SUGCT: variants seen among roughly 807,000 people sequenced by gnomAD.
The protein encoded by SUGCT is succinyl-CoA:glutarate-CoA transferase, also known as succinyl-CoA:glutarate CoA-transferase.
A neutral mutation model predicts 55.0 loss-of-function variants in SUGCT; 41 were observed. The observed-to-expected ratio is 0.74, with a 90% CI of 0.58 to 0.97. SUGCT has a LOEUF of 0.97. Among genes scored for constraint, SUGCT ranks in the 50% least tolerant of loss-of-function variants. The pLI is 0.00. For missense variants in SUGCT, 568 were observed against 547.8 expected, an observed-to-expected ratio of 1.04 and a Z score of -0.37; for synonymous variants, 187 against 200.4, an observed-to-expected ratio of 0.93 and a Z score of 0.56.
the SUGCT span, among the ~76,000 whole-genome samples, chr7:41,029,766 G>A: frequency 6.6e-6 from 1 of 152,068 alleles, no homozygotes; most frequent in South Asian, 2.1e-4. Flanking sequence ...TTATTAACCA[G>A]AGCCCATAGT....
At chr7:40,224,344 A>G (rs1246967749) in intron 6 of SUGCT, among the ~76,000 whole-genome samples, 2 of 151,578 alleles carry the variant, frequency 1.3e-5, no homozygotes, top group East Asian at 3.9e-4. Context: ...GGTTTATAAT[A>G]GTTTTTTTTC....
At chr7:40,330,261 T>C (rs1796238158) in intron 9 of SUGCT, among the ~76,000 whole-genome samples, 1 of 152,174 alleles carries the variant, frequency 6.6e-6, no homozygotes, top group African/African-American at 2.4e-5. Flanking sequence ...GAAGATTGAG[T>C]CTGCTTAGGA....
chr7:40,862,756 AC>A (rs1584555606), downstream of SUGCT, among the ~76,000 whole-genome samples: 2 of 149,844 alleles, frequency 1.3e-5, no homozygotes, highest in East Asian at 3.9e-4. Flanking sequence ...TTATTCTGAA[AC>A]TTTTTACTGC....
intron 9 of SUGCT, among the ~76,000 whole-genome samples, chr7:40,332,460 T>TG (rs1470638551): frequency 2.0e-5 from 3 of 151,674 alleles, no homozygotes; most frequent in Non-Finnish European, 2.9e-5. Flanking sequence ...TTTTTGTTTT[T>TG]TTTTTTTTAC....
At chr7:40,376,276 C>T in intron 9 of SUGCT, among the ~76,000 whole-genome samples, 1 of 152,122 alleles carries the variant, frequency 6.6e-6, no homozygotes, top group South Asian at 2.1e-4. Flanking sequence ...ATGTATATAG[C>T]ATTAATGTAT....
chr7:40,337,486 C>G (rs1421799860), intron 9 of SUGCT, among the ~76,000 whole-genome samples: 1 of 152,076 alleles, frequency 6.6e-6, no homozygotes, highest in Non-Finnish European at 1.5e-5. Context: ...TGAATTGATC[C>G]CTTTACAATT....
intron 12 of SUGCT, among the ~76,000 whole-genome samples, chr7:40,714,128 G>A (rs1440497030): frequency 6.6e-6 from 1 of 152,136 alleles, no homozygotes; most frequent in Non-Finnish European, 1.5e-5. Context: ...TTAGGAGCCT[G>A]AGACCAGCCT....
chr7:40,516,275 C>A (rs1289431569), intron 12 of SUGCT, among the ~76,000 whole-genome samples: 1 of 152,084 alleles, frequency 6.6e-6, no homozygotes, highest in African/African-American at 2.4e-5. Context: ...ATATTATCTT[C>A]CATTCTGTAA....
At chr7:40,748,987 A>G (rs975824563) in intron 12 of SUGCT, among the ~76,000 whole-genome samples, 11 of 152,036 alleles carry the variant, frequency 7.2e-5, no homozygotes, top group African/African-American at 2.7e-4. Context: ...GACTCCCCAT[A>G]CCTTCTGCTG....
chr7:40,264,744 A>G lies in SUGCT; in HGVS notation c.577-9769A>G, dbSNP rs1468133164. ...TTTATTTCATTTTTTACTCTCCCCAACTGATCAATAATCAAAGTCTCTGAA... is the reference window on the plus strand; with the variant it reads ...TTTATTTCATTTTTTACTCTCCCCAGCTGATCAATAATCAAAGTCTCTGAA... On this transcript the variant is annotated intron_variant, in intron 7 of 13. Transcript: ENST00000335693. 2.0e-5 allele frequency among the ~76,000 whole-genome samples: 3 copies of G among 152,250 alleles called. No individual in the cohort carries two copies. In the East Asian group the frequency reaches 5.8e-4, roughly 29 times the overall value.
the SUGCT span, among the ~76,000 whole-genome samples, chr7:40,939,388 A>G: frequency 3.3e-5 from 5 of 152,234 alleles, no homozygotes; most frequent in African/African-American, 1.2e-4. Context: ...GTGGGGACAC[A>G]GCCAAACCAT....
At chr7:40,246,216 G>A (rs1789862807) in intron 7 of SUGCT, among the ~76,000 whole-genome samples, 1 of 151,540 alleles carries the variant, frequency 6.6e-6, no homozygotes, top group Non-Finnish European at 1.5e-5. Context: ...CTATATGCTA[G>A]CTTAACTTCT....
chr7:40,262,540 T>A (rs1791295094), intron 7 of SUGCT, among the ~76,000 whole-genome samples: 1 of 149,422 alleles, frequency 6.7e-6, no homozygotes. Flanking sequence ...TAGTGGGCCC[T>A]TGTAGTCCCA....
intron 6 of SUGCT, among the ~76,000 whole-genome samples, chr7:40,229,760 G>A (rs1353665822): frequency 6.7e-6 from 1 of 148,912 alleles, no homozygotes; most frequent in Non-Finnish European, 1.5e-5. Flanking sequence ...GCTGCAGTGA[G>A]CCGAGATCGT....
At chr7:40,636,188 A>G (rs1336898245) in intron 12 of SUGCT, among the ~76,000 whole-genome samples, 2 of 152,330 alleles carry the variant, frequency 1.3e-5, no homozygotes, top group African/African-American at 2.4e-5. Flanking sequence ...TCTGTTTCAC[A>G]TGACATTGGC....
At chr7:40,507,984 G>T (rs1372557557) in intron 12 of SUGCT, among the ~76,000 whole-genome samples, 1 of 152,054 alleles carries the variant, frequency 6.6e-6, no homozygotes, top group Non-Finnish European at 1.5e-5. Context: ...AACCTGTATT[G>T]TTTTCAACAA....
At chr7:40,851,293 A>G (rs752088692) in intron 13 of SUGCT, among the ~76,000 whole-genome samples, 4 of 151,528 alleles carry the variant, frequency 2.6e-5, no homozygotes, top group Non-Finnish European at 1.5e-5. Flanking sequence ...CTCCTTTGTG[A>G]TTTAGGCATT....
chr7:40,907,718 C>T, the SUGCT span, among the ~76,000 whole-genome samples: 1 of 152,174 alleles, frequency 6.6e-6, no homozygotes, highest in African/African-American at 2.4e-5. Flanking sequence ...CTTAACCACT[C>T]TGTTAATTCT....
the SUGCT span, among the ~76,000 whole-genome samples, chr7:40,893,646 A>C: frequency 6.6e-6 from 1 of 152,220 alleles, no homozygotes; most frequent in African/African-American, 2.4e-5. Flanking sequence ...AAAAATATTC[A>C]CAGAATCAGT....
Sources: allele counts gnomAD v4.1 joint callset (sites outside exome capture counted in the v4.1 genomes callset), GRCh38; gene constraint gnomAD v4.1.1; transcripts MANE v1.5; gene names NCBI Gene and HGNC (gene_info 2026-07-23, HGNC 2026-07-21).